The following PINX1 variants were observed in gnomAD, a reference collection of about 807,000 sequenced individuals.
The protein encoded by PINX1 is PIN2/TERF1-interacting telomerase inhibitor 1.
PINX1 carries 34 observed loss-of-function variants against 25.4 expected under a neutral mutation model. That is an observed-to-expected ratio of 1.34 (90% CI 1.02 to 1.78). The LOEUF is 1.78. Among genes scored for constraint, PINX1 ranks in the 40% most tolerant of loss-of-function variants. The pLI is 0.00. For missense variants in PINX1, 592 were observed against 404.9 expected (o/e 1.46, Z -3.97); for synonymous variants, 197 against 147.7 (o/e 1.33, Z -2.42).
chr8:10,822,729 G>C (rs1255076935), intron 5 of PINX1, among the ~76,000 whole-genome samples: 1 of 152,068 alleles, frequency 6.6e-6, no homozygotes, highest in Non-Finnish European at 1.5e-5. Flanking sequence ...AAGATGATTT[G>C]GAAACAGTTT....
intron 6 of PINX1, among the ~76,000 whole-genome samples, chr8:10,784,702 T>G (rs1469950144): frequency 6.6e-6 from 1 of 152,190 alleles, no homozygotes; most frequent in Non-Finnish European, 1.5e-5. Context: ...CAGGTAAAAT[T>G]TAAAACCTCC....
chr8:10,816,301 C>T (rs1797695125), intron 6 of PINX1, among the ~76,000 whole-genome samples: 3 of 152,126 alleles, frequency 2.0e-5, no homozygotes, highest in Admixed American at 1.3e-4. Flanking sequence ...TACACAGAAC[C>T]CCTTTACTAT....
intron 5 of PINX1, chr8:10,821,908 A>G (rs1797890540): frequency 6.6e-6 from 1 of 152,270 alleles, no homozygotes; most frequent in South Asian, 2.1e-4. Flanking sequence ...GTTCTAAAAC[A>G]TGATGTCAAA....
At chr8:10,770,890 T>G (rs1353545575) in intron 6 of PINX1, among the ~76,000 whole-genome samples, 1 of 152,186 alleles carries the variant, frequency 6.6e-6, no homozygotes, top group African/African-American at 2.4e-5. Flanking sequence ...ATTTCCACAT[T>G]AAGACACGGA....
At chr8:10,797,722 C>A (rs1448890064) in intron 6 of PINX1, among the ~76,000 whole-genome samples, 1 of 152,166 alleles carries the variant, frequency 6.6e-6, no homozygotes, top group Non-Finnish European at 1.5e-5. Flanking sequence ...CCTTTTCATA[C>A]CTTCATATAA....
At chr8:10,775,376 T>A (rs1801355330) in intron 6 of PINX1, among the ~76,000 whole-genome samples, 1 of 146,188 alleles carries the variant, frequency 6.8e-6, no homozygotes. Flanking sequence ...TCTCAAACTA[T>A]CAGGGGTAAA....
intron 6 of PINX1, among the ~76,000 whole-genome samples, chr8:10,807,653 T>A (rs879480207): frequency 6.6e-6 from 1 of 152,098 alleles, no homozygotes; most frequent in Admixed American, 6.6e-5. Context: ...ACTGCAACAA[T>A]GGCTATCAGA....
intron 6 of PINX1, among the ~76,000 whole-genome samples, chr8:10,806,778 G>A (rs1365029105): frequency 6.6e-6 from 1 of 152,100 alleles, no homozygotes; most frequent in Non-Finnish European, 1.5e-5. Flanking sequence ...GGAGGGCAGG[G>A]GAGGCGCTCC....
chr8:10,818,123 T>G (rs1019228479), intron 6 of PINX1, among the ~76,000 whole-genome samples: 1 of 151,940 alleles, frequency 6.6e-6, no homozygotes, highest in African/African-American at 2.4e-5. Context: ...GAAGACCACC[T>G]CACCAACAGG....
In PINX1 at chr8:10,785,186, C is replaced by A. The variant is rs116568579; in HGVS notation, c.472-19270G>T. On this transcript the variant is annotated intron_variant, in intron 6 of 6. Coordinates refer to ENST00000314787, the MANE Select transcript of PINX1 (RefSeq NM_017884.6). ...GTTCCAATGGAATTATATAAGATTA[C>A]AATTTAAAGACAGATAAGCATCAAG... Among the ~76,000 whole-genome samples the A allele has an allele frequency of 4.9e-3, 740 of 152,286 alleles. 2 individuals are homozygous for A. The highest frequency in any genetic ancestry group is 0.017 in the African/African-American group (705 of 41,550).
chr8:10,806,667 C>G (rs916720958), intron 6 of PINX1, among the ~76,000 whole-genome samples: 3 of 152,158 alleles, frequency 2.0e-5, no homozygotes, highest in Non-Finnish European at 4.4e-5. Context: ...GGAACAGCAG[C>G]CAGTGTTTCC....
intron 6 of PINX1, among the ~76,000 whole-genome samples, chr8:10,787,084 C>T (rs1005748318): frequency 5.6e-4 from 85 of 152,120 alleles, no homozygotes; most frequent in African/African-American, 1.9e-3. Context: ...TTCCCATGAG[C>T]TCTGTTATTT....
At chr8:10,805,686 C>G (rs1290483224) in intron 6 of PINX1, among the ~76,000 whole-genome samples, 2 of 83,170 alleles carry the variant, frequency 2.4e-5, no homozygotes, top group Non-Finnish European at 4.6e-5. Flanking sequence ...AGGGGCCACA[C>G]TAGTGCTGAG....
At chr8:10,789,355 A>C (rs1009257893) in intron 6 of PINX1, among the ~76,000 whole-genome samples, 1 of 152,242 alleles carries the variant, frequency 6.6e-6, no homozygotes, top group Non-Finnish European at 1.5e-5. Context: ...TTTGACCTAC[A>C]TATACATAGC....
At chr8:10,817,279 C>T (rs1232246086) in intron 6 of PINX1, among the ~76,000 whole-genome samples, 3 of 152,112 alleles carry the variant, frequency 2.0e-5, no homozygotes, top group African/African-American at 7.2e-5. Flanking sequence ...AAATCCAGAC[C>T]GACGGAGCTA....
chr8:10,827,507 G>C (rs1798089034), intron 4 of PINX1, among the ~76,000 whole-genome samples: 1 of 152,050 alleles, frequency 6.6e-6, no homozygotes, highest in Non-Finnish European at 1.5e-5. Flanking sequence ...ACCTGTATCT[G>C]CTTGTCAAGT....
At chr8:10,832,753 C>A (rs1290598464) in intron 3 of PINX1, 139 bp downstream of exon 3, 5 of 540,582 alleles carry the variant, frequency 9.2e-6, no homozygotes, top group Non-Finnish European at 1.3e-5. Context: ...GCATTCAAAG[C>A]GTCAGTGTTC....
In PINX1 at chr8:10,826,875, C is replaced by T. The variant is rs116998923; in HGVS notation, c.302-631G>A. Among the ~76,000 whole-genome samples, 166 of 152,360 alleles carry T rather than the reference C, an allele frequency of 1.1e-3. 2 individuals are homozygous for T. In the East Asian group the frequency reaches 0.023, roughly 22 times the overall value. ...AGTGGGTACAAATACAAAGATGAGG[C>T]ATGAGGTTGCTGTGCCGTGGTGGCC... On this transcript the variant is annotated intron_variant, in intron 4 of 6. Transcript: ENST00000314787.
At chr8:10,823,134 G>C (rs1348457957) in intron 5 of PINX1, among the ~76,000 whole-genome samples, 3 of 152,188 alleles carry the variant, frequency 2.0e-5, no homozygotes, top group East Asian at 3.9e-4. Context: ...AATCAGAAGA[G>C]GAGATTGAAT....
Sources: allele counts gnomAD v4.1 joint callset (sites outside exome capture counted in the v4.1 genomes callset), GRCh38; gene constraint gnomAD v4.1.1; transcripts MANE v1.5; gene names NCBI Gene and HGNC (gene_info 2026-07-23, HGNC 2026-07-21).